Variants in ACIN1 observed in about 807,000 individuals in gnomAD.
The protein encoded by ACIN1 is apoptotic chromatin condensation inducer in the nucleus.
Under a neutral mutation model 146.6 loss-of-function variants are expected in ACIN1, and 16 were observed. The observed-to-expected ratio is 0.11, with a 90% CI of 0.07 to 0.17. The LOEUF (loss-of-function observed/expected upper bound fraction) is 0.17. Among genes scored for constraint, ACIN1 ranks in the 10% least tolerant of loss-of-function variants. The probability of loss-of-function intolerance (pLI) is 1.00; values close to 1 mark genes in which losing one functional copy is unlikely to be tolerated. For missense variants in ACIN1, 1,357 were observed against 1,609.3 expected (o/e 0.84, Z 2.68); for synonymous variants, 569 against 582.7 (o/e 0.98, Z 0.34).
At chr14:23,075,078 G>A (rs541643225) in intron 8 of ACIN1, among the ~76,000 whole-genome samples, 1 of 152,264 alleles carries the variant, frequency 6.6e-6, no homozygotes, top group South Asian at 2.1e-4. Context: ...CATCATTTGG[G>A]ATATTGGCAT....
At chr14:23,082,422 G>A (rs2047967390) in intron 4 of ACIN1, among the ~76,000 whole-genome samples, 1 of 141,704 alleles carries the variant, frequency 7.1e-6, no homozygotes, top group Admixed American at 7.1e-5. Flanking sequence ...TAGGTTTTAT[G>A]TATTAGAGCT....
At chr14:23,093,076 A>G (rs958544091) in intron 2 of ACIN1, among the ~76,000 whole-genome samples, 16 of 152,130 alleles carry the variant, frequency 1.1e-4, no homozygotes, top group African/African-American at 3.9e-4. Context: ...TGGAAAATCT[A>G]CATCAACAAG....
At chr14:23,094,618 C>T in intron 1 of ACIN1, 12 of 999,934 alleles carry the variant, frequency 1.2e-5, no homozygotes, top group African/African-American at 3.3e-5. Context: ...ACTCGCCCCC[C>T]TCAGGCCAGC....
intron 8 of ACIN1, 75 bp from the exon 9 acceptor site, chr14:23,069,692 T>C: frequency 7.0e-7 from 1 of 1,432,804 alleles, no homozygotes; most frequent in Non-Finnish European, 9.5e-7. Context: ...AGATGTTAGT[T>C]ACTGGGTCAG....
intron 18 of ACIN1, among the ~76,000 whole-genome samples, chr14:23,059,811 G>A (rs1020270846): frequency 2.0e-5 from 3 of 151,546 alleles, no homozygotes; most frequent in Non-Finnish European, 2.9e-5. Flanking sequence ...CCGCGACCAC[G>A]CCCGGCTAAT....
At chr14:23,089,245 C>G (rs1482376114) in intron 4 of ACIN1, among the ~76,000 whole-genome samples, 2 of 152,004 alleles carry the variant, frequency 1.3e-5, no homozygotes, top group African/African-American at 2.4e-5. Flanking sequence ...TTTGCCATGG[C>G]TTTTTCACGG....
At chr14:23,061,731 T>C in intron 16 of ACIN1, 109 bp from the exon 17 acceptor site, 2 of 1,007,070 alleles carry the variant, frequency 2.0e-6, no homozygotes, top group Admixed American at 2.9e-5. Context: ...CCCAGCACTT[T>C]GGGAGGCCAA....
In ACIN1 at chr14:23,093,230, C is replaced by A. The variant is rs531529719; in HGVS notation, c.204+249G>T. On this transcript the variant is annotated intron_variant, in intron 2 of 18. Transcript: ENST00000605057. ...TGTACTACACGTAATTAATGGAAGC[C>A]ACACCTTTCTACACATGCCATTTCA... Among the ~76,000 whole-genome samples the A allele has an allele frequency of 8.5e-5, 13 of 152,306 alleles. No homozygotes were observed. In the South Asian group the frequency reaches 2.7e-3, roughly 32 times the overall value.
chr14:23,090,786 T>C (rs568233337), intron 2 of ACIN1, among the ~76,000 whole-genome samples, 153 bp from the exon 3 acceptor site: 3 of 152,182 alleles, frequency 2.0e-5, no homozygotes, highest in Non-Finnish European at 4.4e-5. Context: ...TAGTTCTATA[T>C]TGAAGAACAG....
chr14:23,093,466 C>A lies in ACIN1; in HGVS notation c.204+13G>T. 6.2e-7 allele frequency: 1 copy of A among 1,612,538 alleles called. No individual in the cohort carries two copies. Among genetic ancestry groups the A allele is most frequent in the Non-Finnish European group, 8.5e-7 (1 of 1,178,612 alleles). ...CAAAGGGCCCACTCCATTGAATACA[C>A]CTTCTTTCTCACCTGGGAATTTGGC... is the stretch of plus-strand genomic sequence containing the variant. On this transcript the variant is annotated intron_variant, in intron 2 of 18. Transcript: ENST00000605057.
chr14:23,061,320 T>C lies in ACIN1; in HGVS notation c.3402A>G (p.Lys1134=). 6.2e-7 allele frequency: 1 copy of C among 1,614,104 alleles called. No homozygotes were observed. The highest frequency in any genetic ancestry group is 1.1e-5 in the South Asian group (1 of 91,060). ...TACCTTTCTTCTCACTCTTCTTTTCTTTAGACTTCGCACGTTCCTTGCGGC... is the reference window on the plus strand; with the variant it reads ...TACCTTTCTTCTCACTCTTCTTTTCCTTAGACTTCGCACGTTCCTTGCGGC... The part of the protein sequence containing the change: ...DRRRKERAKS[K]EKKSEKKEKA... The change falls in exon 17 of 19, where the codon AAA becomes AAG. Residue 1134 remains lysine (K), a synonymous_variant. Coordinates refer to ENST00000605057, the MANE Select transcript of ACIN1 (RefSeq NM_001386863.1).
intron 8 of ACIN1, among the ~76,000 whole-genome samples, chr14:23,072,370 G>A (rs929190305): frequency 6.6e-6 from 1 of 152,274 alleles, no homozygotes; most frequent in Non-Finnish European, 1.5e-5. Context: ...GCTGAAGCTT[G>A]AAGGCCACTT....
At chr14:23,060,986 C>A in intron 18 of ACIN1, 98 bp downstream of exon 18, 1 of 1,162,204 alleles carries the variant, frequency 8.6e-7, no homozygotes, top group East Asian at 2.4e-5. Flanking sequence ...CTAGGAAGTA[C>A]TTGGGCCGAC....
At chr14:23,079,164 C>T in intron 6 of ACIN1, 126 bp from the exon 7 acceptor site, 1 of 979,420 alleles carries the variant, frequency 1.0e-6, no homozygotes, top group South Asian at 1.8e-5. Flanking sequence ...TGTGTTTACT[C>T]CCATTTTGTC....
At position 23,090,355 on chromosome 14, in the gene ACIN1, T is replaced by G. The variant is rs574407118; in HGVS notation, c.316+167A>C. Among the ~76,000 whole-genome samples, 4 of 152,344 alleles carry G rather than the reference T, an allele frequency of 2.6e-5. No individual in the cohort carries two copies. In the East Asian group the frequency reaches 7.7e-4, roughly 29 times the overall value. On this transcript the variant is annotated intron_variant, in intron 3 of 18. Transcript: ENST00000605057. ...CAGTCAAATTAAGTGTCCTCTTCCC[T>G]GACAAAAGTAAATAGTAAACCACTT... is the stretch of plus-strand genomic sequence containing the variant.
intron 3 of ACIN1, 27 bp downstream of exon 3, chr14:23,090,494 CT>C: frequency 6.3e-7 from 1 of 1,598,824 alleles, no homozygotes. Flanking sequence ...TGACGAACTC[CT>C]TGTTAAAAGT....
intron 8 of ACIN1, among the ~76,000 whole-genome samples, chr14:23,070,141 T>C (rs1186065273): frequency 8.1e-6 from 1 of 124,190 alleles, no homozygotes; most frequent in African/African-American, 3.1e-5. Flanking sequence ...AACTGCTTAA[T>C]AAGTAAAGGC....
chr14:23,071,655 T>C, intron 8 of ACIN1: 1 of 1,270,380 alleles, frequency 7.9e-7, no homozygotes, highest in South Asian at 1.5e-5. Context: ...TGAGCAAGGT[T>C]CTTATCCTTT....
intron 2 of ACIN1, among the ~76,000 whole-genome samples, chr14:23,092,298 A>C (rs1296127857): frequency 6.6e-6 from 1 of 152,230 alleles, no homozygotes; most frequent in Non-Finnish European, 1.5e-5. Context: ...AGTAGAAATG[A>C]GTCTCTTGGC....
Sources: gnomAD v4.1 joint callset for allele counts (sites outside exome capture counted in the v4.1 genomes callset) on GRCh38, gnomAD v4.1.1 for gene constraint, MANE v1.5 for transcripts, NCBI Gene and HGNC (gene_info 2026-07-23, HGNC 2026-07-21) for gene names.